The following XPNPEP1 variants were observed in gnomAD, a reference collection of about 807,000 sequenced individuals.
XPNPEP1 encodes the protein xaa-Pro aminopeptidase 1.
In XPNPEP1, 39 loss-of-function variants were observed where a neutral mutation model predicts 92.4. That is an observed-to-expected ratio of 0.42 (90% confidence interval 0.33 to 0.55). The LOEUF (loss-of-function observed/expected upper bound fraction) is 0.55. Among genes scored for constraint, XPNPEP1 ranks in the 20% least tolerant of loss-of-function variants. The pLI is 0.08. For missense variants in XPNPEP1, 654 were observed against 856.1 expected (o/e 0.76, Z 2.95); for synonymous variants, 307 against 299.4 (o/e 1.03, Z -0.26).
chr10:109,917,033 T>C (rs1047727504), intron 1 of XPNPEP1, among the ~76,000 whole-genome samples: 1 of 152,154 alleles, frequency 6.6e-6, no homozygotes, highest in Admixed American at 6.5e-5. Flanking sequence ...AAAGACTGAA[T>C]GCTTTCCCCT....
intron 20 of XPNPEP1, among the ~76,000 whole-genome samples, chr10:109,866,471 C>A (rs538565644): frequency 6.6e-6 from 1 of 152,210 alleles, no homozygotes; most frequent in Non-Finnish European, 1.5e-5. Flanking sequence ...TACAAAGCAG[C>A]CTACTGTCCA....
Position 109,916,897 on chromosome 10 carries a change from C to T in XPNPEP1, c.33-1798G>A, listed in dbSNP as rs185245442. On this transcript the variant is annotated intron_variant, in intron 1 of 20. Coordinates refer to ENST00000502935, the MANE Select transcript of XPNPEP1 (RefSeq NM_020383.4). Reference sequence around the variant, plus strand: ...AAATCTACATGGTCTTCTCAACAAACGCAGAAAAAGCACGACAAAATCCAA... The same window carrying T: ...AAATCTACATGGTCTTCTCAACAAATGCAGAAAAAGCACGACAAAATCCAA... 1.5e-3 allele frequency among the ~76,000 whole-genome samples: 232 copies of T among 152,226 alleles called. 2 individuals carry two copies. Among genetic ancestry groups the T allele is most frequent in the African/African-American group, 5.3e-3 (222 of 41,526 alleles).
chr10:109,914,829 G>A (rs1850096386), intron 2 of XPNPEP1, among the ~76,000 whole-genome samples, 182 bp downstream of exon 2: 2 of 144,866 alleles, frequency 1.4e-5, no homozygotes, highest in South Asian at 4.4e-4. Context: ...TAAATATATA[G>A]AAACAGTAAC....
At chr10:109,919,136 T>A (rs890416236) in intron 1 of XPNPEP1, among the ~76,000 whole-genome samples, 4 of 152,150 alleles carry the variant, frequency 2.6e-5, no homozygotes, top group Non-Finnish European at 5.9e-5. Flanking sequence ...AAAAAAGAGA[T>A]ACACTGGACT....
intron 16 of XPNPEP1, among the ~76,000 whole-genome samples, chr10:109,872,168 G>A: frequency 6.6e-6 from 1 of 152,208 alleles, no homozygotes; most frequent in East Asian, 1.9e-4. Flanking sequence ...AAAAAGTACT[G>A]ATGACCCTAG....
chr10:109,904,188 G>A (rs1402284456), intron 3 of XPNPEP1, among the ~76,000 whole-genome samples: 1 of 148,694 alleles, frequency 6.7e-6, no homozygotes, highest in East Asian at 2.0e-4. Context: ...GAACACAAAC[G>A]AACCTCACCA....
At chr10:109,895,039 G>A (rs1052660254) in intron 3 of XPNPEP1, among the ~76,000 whole-genome samples, 4 of 152,348 alleles carry the variant, frequency 2.6e-5, no homozygotes, top group African/African-American at 2.4e-5. Flanking sequence ...CCAGAAACTT[G>A]AAAGTGCTGC....
At chr10:109,919,621 C>A (rs1850417582) in intron 1 of XPNPEP1, among the ~76,000 whole-genome samples, 1 of 152,142 alleles carries the variant, frequency 6.6e-6, no homozygotes, top group South Asian at 2.1e-4. Context: ...AAAAGTTGTA[C>A]ACAAATATTC....
intron 19 of XPNPEP1, among the ~76,000 whole-genome samples, chr10:109,869,178 G>A (rs981653770): frequency 2.6e-5 from 4 of 152,154 alleles, no homozygotes; most frequent in African/African-American, 7.2e-5. Context: ...AGAACATGTC[G>A]GGTTTCTGTT....
chr10:109,888,385 A>G, intron 6 of XPNPEP1, 118 bp downstream of exon 6: 1 of 1,251,198 alleles, frequency 8.0e-7, no homozygotes. Flanking sequence ...GACCTCTACT[A>G]TAAAATCAGT....
intron 12 of XPNPEP1, 42 bp from the exon 13 acceptor site, chr10:109,878,100 C>T: frequency 2.5e-6 from 4 of 1,609,984 alleles, no homozygotes; most frequent in Non-Finnish European, 3.4e-6. Flanking sequence ...GAGATAAATT[C>T]ATGTGTGCCT....
Position 109,914,331 on chromosome 10 carries a change from T to C in XPNPEP1, c.121+680A>G, listed in dbSNP as rs1018621465. On this transcript the variant is annotated intron_variant, in intron 2 of 20. Coordinates refer to ENST00000502935, the MANE Select transcript of XPNPEP1 (RefSeq NM_020383.4). ...CTTTTCTCATTTTGCAATCTTATGA[T>C]CAAAATTGAAAGCTAATTTCTAAGA... 3.3e-5 allele frequency among the ~76,000 whole-genome samples: 5 copies of C among 152,246 alleles called. No homozygotes were observed. In the South Asian group the frequency reaches 8.3e-4, roughly 25 times the overall value.
rs762990936 is a variant in XPNPEP1, at chr10:109,893,005, GACTC to G, written c.310+3_310+6del. The G allele has an allele frequency of 6.2e-6, 10 of 1,613,202 alleles. No homozygotes were observed. Among genetic ancestry groups the G allele is most frequent in the African/African-American group, 1.3e-5 (1 of 75,012 alleles). On this transcript the variant is annotated splice_donor_5th_base_variant and intron_variant, in intron 4 of 20. Transcript: ENST00000502935. ...GCAGCAAGAACAGAGAAAAAGTAGTGACTCACCCGCAGAGCCATCGAATCCAGAG... is the reference window on the plus strand; with the variant it reads ...GCAGCAAGAACAGAGAAAAAGTAGTGACCCGCAGAGCCATCGAATCCAGAG...
intron 7 of XPNPEP1, among the ~76,000 whole-genome samples, chr10:109,887,070 A>G (rs1167782801): frequency 2.6e-5 from 4 of 152,190 alleles, no homozygotes; most frequent in African/African-American, 9.7e-5. Flanking sequence ...GCCACCTGTG[A>G]GCAGGGTGGG....
chr10:109,902,148 A>T (rs1849317344), intron 3 of XPNPEP1, among the ~76,000 whole-genome samples: 1 of 152,166 alleles, frequency 6.6e-6, no homozygotes, highest in African/African-American at 2.4e-5. Flanking sequence ...CTATTATTTA[A>T]TCTCTTCAAA....
chr10:109,891,888 A>G, intron 4 of XPNPEP1, 62 bp from the exon 5 acceptor site: 1 of 1,541,400 alleles, frequency 6.5e-7, no homozygotes, highest in South Asian at 1.1e-5. Context: ...CAGAAGCTGC[A>G]CAAAATGACA....
chr10:109,871,466 A>T (rs1442705430), intron 17 of XPNPEP1, among the ~76,000 whole-genome samples: 2 of 152,204 alleles, frequency 1.3e-5, no homozygotes, highest in Non-Finnish European at 2.9e-5. Flanking sequence ...GGCAGACAGG[A>T]GGCTGCACCA....
chr10:109,918,890 AG>A (rs1850360279), intron 1 of XPNPEP1, among the ~76,000 whole-genome samples: 2 of 105,410 alleles, frequency 1.9e-5, no homozygotes, highest in Admixed American at 8.8e-5. Context: ...GAAGGAAGGA[AG>A]GAAGGAAGGA....
intron 5 of XPNPEP1, among the ~76,000 whole-genome samples, chr10:109,889,979 C>T (rs778186588): frequency 6.6e-6 from 1 of 152,098 alleles, no homozygotes; most frequent in Non-Finnish European, 1.5e-5. Context: ...TCCTAATGCC[C>T]TAGTACACTA....
Sources: gnomAD v4.1 joint callset for allele counts (sites outside exome capture counted in the v4.1 genomes callset) on GRCh38, gnomAD v4.1.1 for gene constraint, MANE v1.5 for transcripts, NCBI Gene and HGNC (gene_info 2026-07-23, HGNC 2026-07-21) for gene names.